Variants in FAM135A observed in about 807,000 individuals in gnomAD.
FAM135A encodes protein FAM135A.
FAM135A carries 79 observed loss-of-function variants against 146.8 expected under a neutral mutation model. The observed-to-expected ratio is 0.54, with a 90% CI of 0.45 to 0.65. The LOEUF is 0.65. Ranked by LOEUF, FAM135A falls within the 30% of genes least tolerant of loss-of-function variation. The probability of loss-of-function intolerance (pLI) is 0.00; values close to 1 mark genes in which losing one functional copy is unlikely to be tolerated. For missense variants in FAM135A, 1,623 were observed against 1,758.2 expected (o/e 0.92, Z 1.38); for synonymous variants, 562 against 603.6 (o/e 0.93, Z 1.01).
intron 4 of FAM135A, among the ~76,000 whole-genome samples, chr6:70,449,389 A>G (rs1045902697): frequency 6.6e-6 from 1 of 152,146 alleles, no homozygotes; most frequent in Non-Finnish European, 1.5e-5. Context: ...CTCTTTGACT[A>G]ACATCTCCTC....
intron 5 of FAM135A, among the ~76,000 whole-genome samples, chr6:70,468,450 C>T (rs911381160): frequency 3.3e-5 from 5 of 152,196 alleles, no homozygotes; most frequent in Admixed American, 2.6e-4. Context: ...CAAAAACCCA[C>T]CACATACATG....
chr6:70,544,435 G>A (rs1798478456), intron 20 of FAM135A, among the ~76,000 whole-genome samples: 2 of 152,066 alleles, frequency 1.3e-5, no homozygotes, highest in Non-Finnish European at 2.9e-5. Flanking sequence ...GGCTGAGGCA[G>A]GAGAATCGCT....
rs2128135823 is a variant in FAM135A, at chr6:70,470,811, T to C, written c.158-4599T>C. On this transcript the variant is annotated intron_variant, in intron 5 of 21. Coordinates refer to ENST00000418814, the MANE Select transcript of FAM135A (RefSeq NM_001162529.3). ...AGAATGGGAGATGAATCAAACACAC[T>C]AAATAGCAAAGACTTTTGAGTTTTG... is the stretch of plus-strand genomic sequence containing the variant. Among the ~76,000 whole-genome samples, 3 of 152,244 alleles carry C rather than the reference T, an allele frequency of 2.0e-5. 1 individual carries two copies. In the South Asian group the frequency reaches 6.2e-4, roughly 32 times the overall value.
At position 70,527,267 on chromosome 6, in the gene FAM135A, C is replaced by T. The variant is rs1381956630; in HGVS notation, c.3614+569C>T. Among the ~76,000 whole-genome samples, 8 of 152,078 alleles carry T rather than the reference C, an allele frequency of 5.3e-5. No individual in the cohort carries two copies. The East Asian group carries it at 1.5e-3, about 29-fold the overall frequency. On this transcript the variant is annotated intron_variant, in intron 15 of 21. Transcript: ENST00000418814. ...CAGTAAAATATCCAGAAAAATCTGG[C>T]GATGATACAGGTTTACCAGCGTGCA...
At chr6:70,451,589 T>A (rs1777093676) in intron 4 of FAM135A, among the ~76,000 whole-genome samples, 1 of 152,210 alleles carries the variant, frequency 6.6e-6, no homozygotes. Context: ...GACTGACCTT[T>A]CATTTACTCT....
At chr6:70,505,155 T>C (rs899778407) in intron 12 of FAM135A, among the ~76,000 whole-genome samples, 2 of 152,096 alleles carry the variant, frequency 1.3e-5, no homozygotes, top group Non-Finnish European at 2.9e-5. Flanking sequence ...GACATAGTAT[T>C]CTTTTATCAT....
chr6:70,472,821 T>A (rs1295882717), intron 5 of FAM135A, among the ~76,000 whole-genome samples: 2 of 152,204 alleles, frequency 1.3e-5, no homozygotes, highest in Admixed American at 6.5e-5. Flanking sequence ...TTAGATTCAT[T>A]TTATGTGTTT....
intron 11 of FAM135A, among the ~76,000 whole-genome samples, chr6:70,498,478 A>G (rs1297581861): frequency 2.6e-5 from 4 of 151,596 alleles, no homozygotes; most frequent in Non-Finnish European, 5.9e-5. Flanking sequence ...TATCTCCTTC[A>G]GTTCTGGTCT....
intron 11 of FAM135A, among the ~76,000 whole-genome samples, chr6:70,493,688 A>C (rs771467721): frequency 2.0e-5 from 3 of 152,240 alleles, no homozygotes; most frequent in Non-Finnish European, 4.4e-5. Flanking sequence ...AAAAATGTTT[A>C]ATAAATGCCC....
chr6:70,461,638 G>T (rs569649950), intron 5 of FAM135A, among the ~76,000 whole-genome samples: 2 of 152,062 alleles, frequency 1.3e-5, no homozygotes, highest in African/African-American at 4.8e-5. Flanking sequence ...ATGACCAAGA[G>T]CAAGAAGGAA....
intron 11 of FAM135A, among the ~76,000 whole-genome samples, chr6:70,497,572 G>A (rs1787573597): frequency 6.6e-6 from 1 of 152,130 alleles, no homozygotes; most frequent in South Asian, 2.1e-4. Flanking sequence ...CTTGTCTTGT[G>A]CCAGTTTTCA....
Position 70,477,311 on chromosome 6 carries a change from C to T in FAM135A, c.521C>T (p.Ala174Val), listed in dbSNP as rs753198200. 6.2e-7 allele frequency: 1 copy of T among 1,612,516 alleles called. No individual in the cohort carries two copies. The highest frequency in any genetic ancestry group is 1.7e-5 in the Admixed American group (1 of 59,850). The change falls in exon 8 of 22, where the codon GCA becomes GTA. Residue 174 changes from alanine (A) to valine (V), a missense_variant. Ala to Val is a moderately conservative substitution (Grantham distance 64). This residue lies in a region of FAM135A where 16 missense variants were observed against 39.0 expected (regional missense o/e 0.41). Coordinates refer to ENST00000418814, the MANE Select transcript of FAM135A (RefSeq NM_001162529.3). ...VSVTVHASLV[A>V]LHQPLISFPR... The stretch of plus-strand genomic sequence containing the variant: ...GTTACAGTTCATGCATCATTGGTTG[C>T]ACTACACCAGCCACTAATAAGGTAA...
At chr6:70,421,397 T>C (rs886221398) in intron 2 of FAM135A, among the ~76,000 whole-genome samples, 1 of 152,236 alleles carries the variant, frequency 6.6e-6, no homozygotes, top group African/African-American at 2.4e-5. Context: ...CATGTTACAA[T>C]GGCCACCATG....
At chr6:70,547,126 T>C (rs924498367) in intron 20 of FAM135A, among the ~76,000 whole-genome samples, 5 of 152,142 alleles carry the variant, frequency 3.3e-5, no homozygotes, top group African/African-American at 4.8e-5. Context: ...TTTTACCAGC[T>C]GTTGAATTCT....
chr6:70,502,771 C>G lies in FAM135A; in HGVS notation c.1009C>G (p.Gln337Glu), dbSNP rs1376509513. The G allele has an allele frequency of 9.9e-6, 16 of 1,611,602 alleles. No homozygotes were observed. The highest frequency in any genetic ancestry group is 2.2e-5 in the East Asian group (1 of 44,760). Reference sequence around the variant, plus strand: ...CGAAGAACTAAGAATATTATTAGCACAAGAGCACCATACTTTGAGGGTAAG... The same window carrying G: ...CGAAGAACTAAGAATATTATTAGCAGAAGAGCACCATACTTTGAGGGTAAG... ...LHEELRILLAQEHHTLRVRRF... is the reference protein window; with the variant it reads ...LHEELRILLAEEHHTLRVRRF... Residue 337 changes from glutamine (Q) to glutamate (E), a missense_variant, in exon 12 of 22, where the codon CAA becomes GAA. Gln to Glu is a conservative substitution (Grantham distance 29, BLOSUM62 2). Transcript: ENST00000418814.
intron 10 of FAM135A, among the ~76,000 whole-genome samples, chr6:70,488,893 ATAAT>A (rs1785264630): frequency 6.6e-6 from 1 of 152,166 alleles, no homozygotes; most frequent in South Asian, 2.1e-4. Context: ...AAAAGAAAAA[ATAAT>A]TAAAATAGGA....
At chr6:70,556,107 G>C (rs1267872933) in intron 20 of FAM135A, among the ~76,000 whole-genome samples, 1 of 152,050 alleles carries the variant, frequency 6.6e-6, no homozygotes, top group Admixed American at 6.6e-5. Context: ...AAATTAGCCA[G>C]GTGTGGTGGC....
At chr6:70,538,918 T>TTTTTTTTTTTTTTTTTTTTTTTTTG (rs1554167052) in intron 20 of FAM135A, among the ~76,000 whole-genome samples, 5 of 149,052 alleles carry the variant, frequency 3.4e-5, no homozygotes, top group South Asian at 2.1e-4. Flanking sequence ...TTATCCTTTC[T>TTTTTTTTTTTTTTTTTTTTTTTTTG]ACAATTCTCA....
intron 4 of FAM135A, among the ~76,000 whole-genome samples, chr6:70,452,095 A>G (rs1264955388): frequency 5.3e-5 from 8 of 152,034 alleles, no homozygotes; most frequent in Non-Finnish European, 1.2e-4. Context: ...CCAGTTTTTA[A>G]AAACTATTTA....
Sources: allele counts gnomAD v4.1 joint callset (sites outside exome capture counted in the v4.1 genomes callset), GRCh38; gene constraint gnomAD v4.1.1; regional missense constraint gnomAD v4.1.1; transcripts MANE v1.5; gene names NCBI Gene and HGNC (gene_info 2026-07-23, HGNC 2026-07-21).